The following SLCO1B3 variants were observed in gnomAD, a reference collection of about 807,000 sequenced individuals.
SLCO1B3 encodes solute carrier organic anion transporter family member 1B3.
SLCO1B3 carries 72 observed loss-of-function variants against 71.8 expected under a neutral mutation model. The observed-to-expected ratio is 1.00, with a 90% CI of 0.83 to 1.22. The LOEUF (loss-of-function observed/expected upper bound fraction) is 1.22. Among genes scored for constraint, SLCO1B3 ranks in the 50% most tolerant of loss-of-function variants. The probability of loss-of-function intolerance (pLI) is 0.00; values close to 1 mark genes in which losing one functional copy is unlikely to be tolerated. For missense variants in SLCO1B3, 911 were observed against 819.7 expected (o/e 1.11, Z -1.36); for synonymous variants, 298 against 278.4 (o/e 1.07, Z -0.70).
At chr12:20,897,626 GCT>G (rs1013623521) in intron 13 of SLCO1B3, among the ~76,000 whole-genome samples, 3 of 152,032 alleles carry the variant, frequency 2.0e-5, no homozygotes, top group Non-Finnish European at 4.4e-5. Context: ...TGGTTACTTA[GCT>G]CTCTGAAAAA....
In SLCO1B3 at chr12:20,883,578, C is replaced by T; in HGVS notation, c.1658C>T (p.Thr553Ile). ...INSLFSATGG[T>I]TFILLTVKIV... ...TCTTTGTTCTCTGCAACAGGAGGTA[C>T]CACATTTATCTTGTTGACTGTGAAG... Residue 553 changes from threonine to isoleucine, a missense_variant, in exon 13 of 16, where the codon ACC becomes ATC. Transcript: ENST00000381545. The T allele has an allele frequency of 6.3e-7, 1 of 1,593,640 alleles. No homozygotes were observed. The highest frequency in any genetic ancestry group is 8.5e-7 in the Non-Finnish European group (1 of 1,172,418).
intron 15 of SLCO1B3, among the ~76,000 whole-genome samples, chr12:20,908,678 T>C (rs1345314574): frequency 3.9e-5 from 6 of 151,962 alleles, no homozygotes; most frequent in Non-Finnish European, 7.3e-5. Flanking sequence ...CTCAGTAATA[T>C]GCATTTAAGT....
At chr12:20,904,746 A>C (rs1866202713) in intron 15 of SLCO1B3, among the ~76,000 whole-genome samples, 1 of 127,162 alleles carries the variant, frequency 7.9e-6, no homozygotes, top group Admixed American at 8.5e-5. Flanking sequence ...TTCTGCCTGG[A>C]CATCCAGGCT....
At chr12:20,852,689 C>CT in intron 3 of SLCO1B3, among the ~76,000 whole-genome samples, 1 of 151,892 alleles carries the variant, frequency 6.6e-6, no homozygotes, top group Middle Eastern at 3.4e-3. Flanking sequence ...AGTGTTTTAT[C>CT]TTTTTTATGA....
intron 3 of SLCO1B3, among the ~76,000 whole-genome samples, chr12:20,834,367 G>T (rs1161566427): frequency 9.5e-6 from 1 of 104,874 alleles, no homozygotes; most frequent in African/African-American, 2.7e-5. Context: ...TATACGTGGA[G>T]ACTATATATA....
chr12:20,906,786 C>G (rs571797796), intron 15 of SLCO1B3, among the ~76,000 whole-genome samples: 21 of 152,134 alleles, frequency 1.4e-4, no homozygotes, highest in African/African-American at 4.6e-4. Flanking sequence ...TGAACATCAT[C>G]TTGATAATAA....
intron 12 of SLCO1B3, 63 bp downstream of exon 12, chr12:20,881,083 A>G: frequency 8.2e-7 from 1 of 1,213,858 alleles, no homozygotes; most frequent in Non-Finnish European, 1.2e-6. Flanking sequence ...GATTTAATAA[A>G]TACTTATCAA....
rs1346847778 is a variant in SLCO1B3, at chr12:20,879,451, C to T, written c.1151C>T (p.Pro384Leu). 1 of 1,602,802 alleles carries T rather than the reference C, an allele frequency of 6.2e-7. No homozygotes were observed. The highest frequency in any genetic ancestry group is 8.5e-7 in the Non-Finnish European group (1 of 1,172,432). Reference sequence around the variant, plus strand: ...TTATTTCTAGGAATCATAACCATTCCTACGGTTGCAACTGGAATGTTTTTA... The same window carrying T: ...TTATTTCTAGGAATCATAACCATTCTTACGGTTGCAACTGGAATGTTTTTA... ...ANFLLGIITIPTVATGMFLGG... is the reference protein window; with the variant it reads ...ANFLLGIITILTVATGMFLGG... Residue 384 changes from proline to leucine, a missense_variant, in exon 11 of 16, where the codon CCT becomes CTT. Physicochemically the swap from Pro to Leu is moderately conservative, Grantham distance 98. Transcript: ENST00000381545.
At chr12:20,813,242 CAAT>C (rs1319987651) in intron 1 of SLCO1B3, among the ~76,000 whole-genome samples, 1 of 152,068 alleles carries the variant, frequency 6.6e-6, no homozygotes, top group African/African-American at 2.4e-5. Flanking sequence ...TATAGAGAAT[CAAT>C]AAATCCTTGT....
intron 5 of SLCO1B3, among the ~76,000 whole-genome samples, chr12:20,859,780 A>G (rs1865216760): frequency 6.6e-6 from 1 of 152,030 alleles, no homozygotes; most frequent in Admixed American, 6.6e-5. Flanking sequence ...ACAGTTCTCT[A>G]ATGTGCCATA....
intron 1 of SLCO1B3, among the ~76,000 whole-genome samples, chr12:20,812,884 A>G (rs143371462): frequency 0.012 from 1,835 of 152,350 alleles, 18 homozygotes; most frequent in Middle Eastern, 0.041. Flanking sequence ...AAGATTTGCA[A>G]TTATAGAATT....
At chr12:20,896,713 A>G (rs1313056964) in intron 13 of SLCO1B3, among the ~76,000 whole-genome samples, 1 of 152,082 alleles carries the variant, frequency 6.6e-6, no homozygotes, top group Non-Finnish European at 1.5e-5. Context: ...GGTCACTTCC[A>G]CATTTTCAGG....
intron 3 of SLCO1B3, among the ~76,000 whole-genome samples, chr12:20,834,729 T>A (rs1486708262): frequency 1.3e-5 from 2 of 152,008 alleles, no homozygotes; most frequent in African/African-American, 4.8e-5. Flanking sequence ...ACAACCCTCC[T>A]CCCAGCTGCT....
chr12:20,814,199 C>T (rs899726096), intron 2 of SLCO1B3, among the ~76,000 whole-genome samples: 2 of 151,948 alleles, frequency 1.3e-5, no homozygotes, highest in South Asian at 2.1e-4. Context: ...TATAAATATT[C>T]CACTGTTCTA....
At chr12:20,824,824 A>G (rs1374983267) in intron 3 of SLCO1B3, among the ~76,000 whole-genome samples, 4 of 152,190 alleles carry the variant, frequency 2.6e-5, no homozygotes. Flanking sequence ...ATGAAGTCAA[A>G]GTACTAATTT....
At chr12:20,873,429 T>A (rs1865515649) in intron 8 of SLCO1B3, among the ~76,000 whole-genome samples, 2 of 152,148 alleles carry the variant, frequency 1.3e-5, no homozygotes, top group African/African-American at 4.8e-5. Context: ...GTCCACATAC[T>A]GGCTCATCTT....
chr12:20,899,665 CA>C lies in SLCO1B3; in HGVS notation c.1747+1166del, dbSNP rs1866088602. ...CTTAGCAGTTCTCTACCTCCAGATT[CA>C]GAGACGATACCTCACTCCTGGAATC... On this transcript the variant is annotated intron_variant, in intron 14 of 15. Transcript: ENST00000381545. 2.6e-5 allele frequency among the ~76,000 whole-genome samples: 4 copies of C among 152,180 alleles called. No individual in the cohort carries two copies. The East Asian group carries it at 7.7e-4, about 29-fold the overall frequency.
At chr12:20,897,999 C>T (rs1359673055) in intron 13 of SLCO1B3, among the ~76,000 whole-genome samples, 2 of 152,074 alleles carry the variant, frequency 1.3e-5, no homozygotes, top group African/African-American at 4.8e-5. Flanking sequence ...TATTAATAAG[C>T]TATTCTGTTA....
intron 1 of SLCO1B3, among the ~76,000 whole-genome samples, chr12:20,812,216 C>T (rs188284137): frequency 6.6e-6 from 1 of 152,124 alleles, no homozygotes; most frequent in Non-Finnish European, 1.5e-5. Flanking sequence ...CTACTTGATA[C>T]AATTTAACCT....
Sources: allele counts gnomAD v4.1 joint callset (sites outside exome capture counted in the v4.1 genomes callset), GRCh38; gene constraint gnomAD v4.1.1; transcripts MANE v1.5; gene names NCBI Gene and HGNC (gene_info 2026-07-23, HGNC 2026-07-21).